SLIT2: variants seen among roughly 807,000 people sequenced by gnomAD.
SLIT2 encodes the protein slit guidance ligand 2, also known as slit homolog 2 protein.
In SLIT2, 41 loss-of-function variants were observed where a neutral mutation model predicts 185.7. The ratio of observed to expected loss-of-function variants is 0.22; its 90% CI spans 0.17 to 0.29. The LOEUF is 0.29. Among genes scored for constraint, SLIT2 ranks in the 10% least tolerant of loss-of-function variants. The pLI, the probability that SLIT2 is intolerant of heterozygous loss-of-function variation, is 1.00. For synonymous variants in SLIT2, 693 were observed against 680.2 expected (o/e 1.02, Z -0.29); for missense variants, 1,571 against 1,909.0 (o/e 0.82, Z 3.30).
intron 26 of SLIT2, among the ~76,000 whole-genome samples, chr4:20,563,634 A>T (rs924199267): frequency 6.6e-6 from 1 of 151,804 alleles, no homozygotes; most frequent in Non-Finnish European, 1.5e-5. Context: ...AGCAGCTCCT[A>T]GCATATATAG....
At chr4:20,471,983 C>T (rs1715087754) in intron 5 of SLIT2, among the ~76,000 whole-genome samples, 1 of 151,444 alleles carries the variant, frequency 6.6e-6, no homozygotes, top group African/African-American at 2.4e-5. Flanking sequence ...TACTTTTTCC[C>T]TTGACATTTT....
chr4:20,495,967 A>G (rs1194941055), intron 9 of SLIT2, among the ~76,000 whole-genome samples: 1 of 152,166 alleles, frequency 6.6e-6, no homozygotes, highest in Non-Finnish European at 1.5e-5. Context: ...TGAACTGAAA[A>G]TTATAAACTC....
chr4:20,330,648 C>T (rs1281061301), intron 4 of SLIT2, among the ~76,000 whole-genome samples: 9 of 151,980 alleles, frequency 5.9e-5, no homozygotes, highest in African/African-American at 1.9e-4. Flanking sequence ...TTAGCATATA[C>T]ACACCAATTC....
At chr4:20,438,587 C>T (rs1170831666) in intron 4 of SLIT2, among the ~76,000 whole-genome samples, 2 of 152,108 alleles carry the variant, frequency 1.3e-5, no homozygotes, top group Non-Finnish European at 2.9e-5. Context: ...GACACAGAGC[C>T]AAACCATATC....
rs16869774 is a variant in SLIT2, at chr4:20,589,547, C to G, written c.3089-97C>G. 3,102 of 877,398 alleles carry G rather than the reference C, an allele frequency of 3.5e-3. 71 individuals are homozygous for G. The African/African-American group carries it at 0.044, about 13-fold the overall frequency. The allele number at this position is 877,398 out of a possible 1,614,324, so 54.4% of individuals were successfully genotyped here. ...GCTTTGTTTTGTTTTAAATCACAAG[C>G]TGCCCTAACCTCTAAGACCCATGAC... On this transcript the variant is annotated intron_variant, in intron 29 of 36. Transcript: ENST00000504154.
rs561096150 is a variant in SLIT2 at position 20,282,312 on chromosome 4, C to T, written c.395+13431C>T. Among the ~76,000 whole-genome samples, 35 of 152,294 alleles carry T rather than the reference C, an allele frequency of 2.3e-4. No individual in the cohort carries two copies. In the Middle Eastern group the frequency reaches 0.01, roughly 44 times the overall value. ...AAATTAAGCCACCTGGGTTGAAGAA[C>T]ACTATTCAAGTGTGGGTAAACATGT... On this transcript the variant is annotated intron_variant, in intron 4 of 36. Transcript: ENST00000504154.
rs144831279 is a variant in SLIT2 at position 20,535,214 on chromosome 4, G to A, written c.1832+1499G>A. 3.4e-3 allele frequency among the ~76,000 whole-genome samples: 522 copies of A among 152,058 alleles called. 12 individuals carry two copies. In the South Asian group the frequency reaches 0.059, roughly 17 times the overall value. ...CTCGGGAGGCTGAGGCAGAAGAATC[G>A]CTTGATCCCGGGAGGCGGAGATTGC... On this transcript the variant is annotated intron_variant, in intron 18 of 36. Coordinates refer to ENST00000504154, the MANE Select transcript of SLIT2 (RefSeq NM_004787.4).
intron 4 of SLIT2, among the ~76,000 whole-genome samples, chr4:20,335,197 C>T (rs529359891): frequency 1.5e-4 from 23 of 152,126 alleles, no homozygotes; most frequent in Non-Finnish European, 2.6e-4. Flanking sequence ...GGGGACACAG[C>T]CAAACCATAT....
At chr4:20,439,329 G>T (rs1479012611) in intron 4 of SLIT2, among the ~76,000 whole-genome samples, 1 of 152,204 alleles carries the variant, frequency 6.6e-6, no homozygotes, top group Non-Finnish European at 1.5e-5. Context: ...CAGTTCTGGA[G>T]TCTGAAGTCC....
chr4:20,270,021 C>T lies in SLIT2; in HGVS notation c.395+1140C>T, dbSNP rs537262238. Among the ~76,000 whole-genome samples the T allele has an allele frequency of 2.0e-5, 3 of 151,966 alleles. No homozygotes were observed. The South Asian group carries it at 6.2e-4, about 31-fold the overall frequency. On this transcript the variant is annotated intron_variant, in intron 4 of 36. Coordinates refer to ENST00000504154, the MANE Select transcript of SLIT2 (RefSeq NM_004787.4). ...TAAAATCACCTGACATTTTTCTCTT[C>T]TTTTTTGTGTTCCCTGCTGCTCAAT...
rs562779435 is a variant in SLIT2 at position 20,482,395 on chromosome 4, A to G, written c.539+1608A>G. On this transcript the variant is annotated intron_variant, in intron 6 of 36. Coordinates refer to ENST00000504154, the MANE Select transcript of SLIT2 (RefSeq NM_004787.4). The stretch of plus-strand genomic sequence containing the variant: ...AATGTATCGAATACCTACTGTGTAT[A>G]TTTTACAAGGTAGAGTGAACACTAT... Among the ~76,000 whole-genome samples the G allele has an allele frequency of 6.6e-5, 10 of 152,136 alleles. No individual in the cohort carries two copies. In the South Asian group the frequency reaches 1.7e-3, roughly 25 times the overall value.
intron 4 of SLIT2, among the ~76,000 whole-genome samples, chr4:20,368,012 TTCTC>T (rs1046689777): frequency 1.3e-5 from 2 of 152,058 alleles, no homozygotes; most frequent in South Asian, 2.1e-4. Flanking sequence ...CATTCTCACT[TTCTC>T]TCTTTTTTCT....
At position 20,251,996 on chromosome 4, in the gene SLIT2, AGGCGGCGGC is replaced by A. The variant is rs552851809; in HGVS notation, c.-1805_-1797del. Among the ~76,000 whole-genome samples, 9 of 151,000 alleles carry A rather than the reference AGGCGGCGGC, an allele frequency of 6.0e-5. No individual in the cohort carries two copies. The highest frequency in any genetic ancestry group is 7.4e-5 in the Non-Finnish European group (5 of 67,818). ...CCGCAGACTGTGGTTAAAAAAAAGA[AGGCGGCGGC>A]GGCGGCGGCGGCGGAGGCGGAGGCA... is the stretch of plus-strand genomic sequence containing the variant. On this transcript the variant is annotated 5_prime_UTR_variant, in exon 1 of 37. Transcript: ENST00000504154.
chr4:20,602,166 G>C (rs182660083), intron 33 of SLIT2, among the ~76,000 whole-genome samples: 226 of 152,184 alleles, frequency 1.5e-3, no homozygotes, highest in African/African-American at 5.3e-3. Context: ...CTCTAGACTG[G>C]TAATTTGCTG....
chr4:20,323,935 A>C (rs542455920), intron 4 of SLIT2, among the ~76,000 whole-genome samples: 2 of 152,216 alleles, frequency 1.3e-5, no homozygotes, highest in African/African-American at 2.4e-5. Context: ...TAAATTTGGA[A>C]GTTCATAACA....
intron 4 of SLIT2, among the ~76,000 whole-genome samples, chr4:20,430,997 C>T (rs1004583993): frequency 4.6e-5 from 7 of 152,172 alleles, no homozygotes; most frequent in Admixed American, 1.3e-4. Flanking sequence ...TGTTTGGTTG[C>T]TAAAGATGGC....
intron 16 of SLIT2, among the ~76,000 whole-genome samples, 172 bp from the exon 17 acceptor site, chr4:20,531,812 G>T (rs1471042220): frequency 2.0e-5 from 3 of 149,426 alleles, no homozygotes; most frequent in African/African-American, 7.4e-5. Flanking sequence ...ATTAAAATTT[G>T]AATAAAATGA....
chr4:20,270,274 T>A (rs1396891860), intron 4 of SLIT2, among the ~76,000 whole-genome samples: 1 of 151,934 alleles, frequency 6.6e-6, no homozygotes, highest in Non-Finnish European at 1.5e-5. Flanking sequence ...CTTTAGTTAT[T>A]GGTGACTGAG....
At chr4:20,580,782 A>C (rs954477908) in intron 29 of SLIT2, among the ~76,000 whole-genome samples, 2 of 152,148 alleles carry the variant, frequency 1.3e-5, no homozygotes, top group African/African-American at 4.8e-5. Context: ...CTCCACTTAC[A>C]TCTTGACTCT....
Sources: gnomAD v4.1 joint callset for allele counts (sites outside exome capture counted in the v4.1 genomes callset) on GRCh38, gnomAD v4.1.1 for gene constraint, MANE v1.5 for transcripts, NCBI Gene and HGNC (gene_info 2026-07-23, HGNC 2026-07-21) for gene names.